Variants in TOP6BL observed in about 807,000 individuals in gnomAD.
The protein encoded by TOP6BL is type 2 DNA topoisomerase 6 subunit B-like.
At chr11:66,752,307 G>A in the TOP6BL span, among the ~76,000 whole-genome samples, 3 of 152,024 alleles carry the variant, frequency 2.0e-5, no homozygotes, top group Admixed American at 2.0e-4. Context: ...AGGATTCTAA[G>A]CCAGAATTCA....
the TOP6BL span, among the ~76,000 whole-genome samples, chr11:66,816,681 C>T: frequency 6.6e-6 from 1 of 152,198 alleles, no homozygotes; most frequent in African/African-American, 2.4e-5. Context: ...CCCGCTTCAG[C>T]CTCCCAAGTA....
chr11:66,843,301 A>G, the TOP6BL span: 6 of 1,568,048 alleles, frequency 3.8e-6, no homozygotes, highest in Admixed American at 1.8e-5. Flanking sequence ...CCGTGGTTTA[A>G]TAAAGCTGCC....
At chr11:66,796,037 G>A in the TOP6BL span, 1 of 413,276 alleles carries the variant, frequency 2.4e-6, no homozygotes, top group Non-Finnish European at 4.4e-6. Context: ...GACATTATGG[G>A]TTTTACTCTG....
chr11:66,842,906 A>C, the TOP6BL span: 3 of 1,572,024 alleles, frequency 1.9e-6, no homozygotes, highest in African/African-American at 4.1e-5. Flanking sequence ...CGCATAGAGG[A>C]GATGCGAGCT....
the TOP6BL span, among the ~76,000 whole-genome samples, chr11:66,807,831 A>C: frequency 2.6e-4 from 39 of 152,138 alleles, no homozygotes; most frequent in African/African-American, 8.7e-4. Flanking sequence ...TGCTAAAAAC[A>C]CCTCTTGCCT....
the TOP6BL span, chr11:66,744,819 GGGCGGC>G: frequency 4.1e-4 from 505 of 1,230,498 alleles, no homozygotes; most frequent in East Asian, 2.9e-3. Flanking sequence ...GCTGAGGAGG[GGGCGGC>G]GGCGGCGGCG....
At chr11:66,827,535 G>GA in the TOP6BL span, among the ~76,000 whole-genome samples, 2,037 of 144,716 alleles carry the variant, frequency 0.014, 41 homozygotes, top group African/African-American at 0.048. Flanking sequence ...AGACTCGTCA[G>GA]AAAAAAAAAA....
the TOP6BL span, among the ~76,000 whole-genome samples, chr11:66,837,099 C>CT: frequency 6.6e-6 from 1 of 152,058 alleles, no homozygotes; most frequent in African/African-American, 2.4e-5. Context: ...TGACTTTTCA[C>CT]TTTTGTTCAT....
the TOP6BL span, among the ~76,000 whole-genome samples, chr11:66,820,956 G>T: frequency 6.6e-6 from 1 of 152,142 alleles, no homozygotes; most frequent in Non-Finnish European, 1.5e-5. Flanking sequence ...ATATGTAGGG[G>T]TCTCTTCTTC....
the TOP6BL span, among the ~76,000 whole-genome samples, chr11:66,767,199 T>C: frequency 1.3e-5 from 2 of 152,226 alleles, no homozygotes; most frequent in Admixed American, 6.5e-5. Context: ...TAAGTTCTTA[T>C]GTGTTTAAAA....
the TOP6BL span, among the ~76,000 whole-genome samples, chr11:66,769,620 G>T: frequency 6.6e-6 from 1 of 152,072 alleles, no homozygotes; most frequent in African/African-American, 2.4e-5. Flanking sequence ...CCAACCCCCA[G>T]TGTGATAGTA....
chr11:66,784,326 C>G, the TOP6BL span, among the ~76,000 whole-genome samples: 2 of 151,832 alleles, frequency 1.3e-5, no homozygotes, highest in Non-Finnish European at 2.9e-5. Context: ...AGCCACTGCA[C>G]CCTGCCATTT....
At chr11:66,843,450 G>A in the TOP6BL span, 56 of 1,402,714 alleles carry the variant, frequency 4.0e-5, no homozygotes, top group Admixed American at 7.2e-5. Flanking sequence ...CGCGGGTCAG[G>A]GCGCAATGGC....
At chr11:66,808,523 C>CA in the TOP6BL span, among the ~76,000 whole-genome samples, 198 of 118,226 alleles carry the variant, frequency 1.7e-3, no homozygotes, top group Middle Eastern at 8.8e-3. Flanking sequence ...AGACCAGTTT[C>CA]AAAAAAAAAA....
the TOP6BL span, chr11:66,843,422 T>C: frequency 1.4e-6 from 2 of 1,400,562 alleles, no homozygotes; most frequent in Non-Finnish European, 1.8e-6. Flanking sequence ...TCCCTGGGAC[T>C]GCGTCACTGG....
At chr11:66,745,527 C>T in the TOP6BL span, among the ~76,000 whole-genome samples, 1 of 152,208 alleles carries the variant, frequency 6.6e-6, no homozygotes, top group Non-Finnish European at 1.5e-5. Flanking sequence ...CCCGTGTGCT[C>T]ATTTCATTAC....
At chr11:66,778,590 A>T in the TOP6BL span, among the ~76,000 whole-genome samples, 1 of 152,192 alleles carries the variant, frequency 6.6e-6, no homozygotes, top group South Asian at 2.1e-4. Flanking sequence ...AGTTAGCCCA[A>T]GGTAATTAAT....
At chr11:66,799,580 C>T in the TOP6BL span, among the ~76,000 whole-genome samples, 6 of 151,104 alleles carry the variant, frequency 4.0e-5, no homozygotes, top group South Asian at 2.1e-4. Context: ...GGCACAGTGG[C>T]GCGTGCCTGT....
chr11:66,800,655 C>G, the TOP6BL span: 1 of 1,603,622 alleles, frequency 6.2e-7, no homozygotes, highest in Non-Finnish European at 8.5e-7. Flanking sequence ...GATTTCATTT[C>G]AGTGTAAAGG....
Sources: gnomAD v4.1 joint callset for allele counts (sites outside exome capture counted in the v4.1 genomes callset) on GRCh38, gnomAD v4.1.1 for gene constraint, MANE v1.5 for transcripts, NCBI Gene and HGNC (gene_info 2026-07-23, HGNC 2026-07-21) for gene names.